Variants in GALNT16 observed in about 807,000 individuals in gnomAD.
The protein encoded by GALNT16 is polypeptide N-acetylgalactosaminyltransferase 16.
GALNT16 carries 40 observed loss-of-function variants against 76.1 expected under a neutral mutation model. The ratio of observed to expected loss-of-function variants is 0.53; its 90% CI spans 0.41 to 0.68. The LOEUF is 0.68. GALNT16 is among the 30% of genes least tolerant of loss of function. GALNT16 has a pLI of 0.00. For synonymous variants in GALNT16, 276 were observed against 285.2 expected (o/e 0.97, Z 0.32); for missense variants, 621 against 731.9 (o/e 0.85, Z 1.75).
intron 1 of GALNT16, among the ~76,000 whole-genome samples, chr14:69,275,650 A>G (rs76059201): frequency 2.0e-5 from 3 of 152,336 alleles, no homozygotes; most frequent in Non-Finnish European, 4.4e-5. Flanking sequence ...TGAGCTTAGG[A>G]GTTTGAGACC....
At chr14:69,339,761 TC>T in intron 11 of GALNT16, 142 bp downstream of exon 11, 1 of 591,676 alleles carries the variant, frequency 1.7e-6, no homozygotes, top group South Asian at 2.1e-5. Flanking sequence ...CTTCTTTGGG[TC>T]CTGGGAGGGA....
chr14:69,324,623 A>C, intron 2 of GALNT16, 69 bp from the exon 3 acceptor site: 1 of 849,568 alleles, frequency 1.2e-6, no homozygotes, highest in South Asian at 1.7e-5. Flanking sequence ...AAGACTGGAC[A>C]AAGAAAAACA....
intron 1 of GALNT16, among the ~76,000 whole-genome samples, chr14:69,270,327 T>A (rs569085298): frequency 9.9e-5 from 15 of 152,150 alleles, no homozygotes; most frequent in Non-Finnish European, 2.2e-4. Flanking sequence ...ATCTGAGGTG[T>A]GTCCTCTGAG....
At chr14:69,320,649 C>T (rs981053082) in intron 1 of GALNT16, 62 bp from the exon 2 acceptor site, 136 of 1,517,198 alleles carry the variant, frequency 9.0e-5, no homozygotes, top group Non-Finnish European at 1.2e-4. Context: ...GTGTGCTGAG[C>T]ACTCGCCAAG....
intron 1 of GALNT16, among the ~76,000 whole-genome samples, chr14:69,273,804 C>T (rs1470534713): frequency 1.3e-5 from 2 of 152,118 alleles, no homozygotes; most frequent in Non-Finnish European, 2.9e-5. Flanking sequence ...AGCCTACTGG[C>T]AAGATAGGAC....
At chr14:69,370,625 T>C in the GALNT16 span, among the ~76,000 whole-genome samples, 1 of 151,820 alleles carries the variant, frequency 6.6e-6, no homozygotes, top group Non-Finnish European at 1.5e-5. Context: ...AGGTTATCAA[T>C]TTATGGCTAA....
chr14:69,384,453 A>C, the GALNT16 span, among the ~76,000 whole-genome samples: 1 of 152,112 alleles, frequency 6.6e-6, no homozygotes, highest in Non-Finnish European at 1.5e-5. Context: ...TAATTCTGCC[A>C]CTCCAGCTAG....
At chr14:69,306,941 T>TCCA (rs2140146204) in intron 1 of GALNT16, among the ~76,000 whole-genome samples, 1 of 152,312 alleles carries the variant, frequency 6.6e-6, no homozygotes, top group Admixed American at 6.5e-5. Context: ...AAAAGCACTA[T>TCCA]CCACCATTAA....
chr14:69,385,893 T>G, the GALNT16 span, among the ~76,000 whole-genome samples: 1 of 152,182 alleles, frequency 6.6e-6, no homozygotes, highest in Non-Finnish European at 1.5e-5. Flanking sequence ...CATTGCTCCC[T>G]GCTCCTCCAA....
At chr14:69,377,595 C>T in the GALNT16 span, among the ~76,000 whole-genome samples, 1 of 151,858 alleles carries the variant, frequency 6.6e-6, no homozygotes, top group Admixed American at 6.6e-5. Context: ...TCACTTGAGT[C>T]CAGGATCTCA....
downstream of GALNT16, chr14:69,355,515 T>G (rs1299668432): frequency 6.6e-6 from 1 of 152,494 alleles, no homozygotes; most frequent in Non-Finnish European, 1.5e-5. Context: ...TTGCTTCTCC[T>G]GAGTCAGGCT....
At chr14:69,327,691 G>A (rs2045303219) in intron 5 of GALNT16, among the ~76,000 whole-genome samples, 1 of 152,206 alleles carries the variant, frequency 6.6e-6, no homozygotes, top group Non-Finnish European at 1.5e-5. Flanking sequence ...AGAGCTCTAA[G>A]AGTGAGGCCC....
chr14:69,293,506 A>C (rs1594827473), intron 1 of GALNT16, among the ~76,000 whole-genome samples: 5 of 152,214 alleles, frequency 3.3e-5, no homozygotes, highest in Non-Finnish European at 7.3e-5. Context: ...TTGTATGTCA[A>C]GTACTTTGTA....
chr14:69,260,399 G>A lies in GALNT16; in HGVS notation c.109G>A (p.Gly37Ser), dbSNP rs745480434. Residue 37 changes from glycine to serine, a missense_variant, in exon 1 of 15, where the codon GGC (glycine) becomes AGC (serine). Gly to Ser is a moderately conservative substitution (Grantham distance 56). Transcript: ENST00000448469. ...DNRAHAASSG[G>S]RGAQRAGRRS... ...CCGAGCCCACGCAGCATCCTCCGGC[G>A]GCCGGGGCGCGCAGAGGGCAGGCAG... 4.4e-6 allele frequency: 7 copies of A among 1,605,860 alleles called. No individual in the cohort carries two copies. The highest frequency in any genetic ancestry group is 5.1e-6 in the Non-Finnish European group (6 of 1,176,238).
At chr14:69,314,819 AG>A (rs2045077869) in intron 1 of GALNT16, among the ~76,000 whole-genome samples, 1 of 152,220 alleles carries the variant, frequency 6.6e-6, no homozygotes, top group African/African-American at 2.4e-5. Flanking sequence ...TTTGGTTTAT[AG>A]CAGACTCAGG....
At chr14:69,324,098 AAC>A (rs1465279789) in intron 2 of GALNT16, among the ~76,000 whole-genome samples, 3 of 151,878 alleles carry the variant, frequency 2.0e-5, no homozygotes, top group African/African-American at 7.3e-5. Flanking sequence ...TTGGTGTCTT[AAC>A]AGAGGCTTGT....
intron 1 of GALNT16, among the ~76,000 whole-genome samples, chr14:69,292,742 G>T (rs76617705): frequency 2.5e-3 from 380 of 152,366 alleles, no homozygotes; most frequent in Middle Eastern, 6.8e-3. Flanking sequence ...CATTAGTCTA[G>T]TGATGGTGGC....
chr14:69,380,485 G>A, the GALNT16 span: 4 of 1,021,730 alleles, frequency 3.9e-6, no homozygotes, highest in East Asian at 9.5e-5. Context: ...ACAGCACGCT[G>A]TACACACCTG....
At chr14:69,365,971 A>T in the GALNT16 span, among the ~76,000 whole-genome samples, 1 of 152,240 alleles carries the variant, frequency 6.6e-6, no homozygotes, top group East Asian at 1.9e-4. Flanking sequence ...GCACAAGTTT[A>T]TTCCAAGATA....
Sources: allele counts gnomAD v4.1 joint callset (sites outside exome capture counted in the v4.1 genomes callset), GRCh38; gene constraint gnomAD v4.1.1; transcripts MANE v1.5; gene names NCBI Gene and HGNC (gene_info 2026-07-23, HGNC 2026-07-21).